The following MARCHF1 variants were observed in gnomAD, a reference collection of about 807,000 sequenced individuals.
MARCHF1 encodes membrane associated ring-CH-type finger 1.
In MARCHF1, 40 loss-of-function variants were observed where a neutral mutation model predicts 54.2. The ratio of observed to expected loss-of-function variants is 0.74; its 90% CI spans 0.57 to 0.96. MARCHF1 has a LOEUF of 0.96. Ranked by LOEUF, MARCHF1 falls within the 40% of genes least tolerant of loss-of-function variation. MARCHF1 has a pLI of 0.00. For synonymous variants in MARCHF1, 236 were observed against 236.3 expected (o/e 1.00, Z 0.01); for missense variants, 586 against 656.5 (o/e 0.89, Z 1.17).
chr4:164,159,498 T>C (rs1162441977), intron 1 of MARCHF1, among the ~76,000 whole-genome samples: 1 of 152,168 alleles, frequency 6.6e-6, no homozygotes, highest in East Asian at 1.9e-4. Context: ...AAAAAATGAA[T>C]GAATTCACTA....
chr4:163,796,600 A>T (rs1372325136), intron 4 of MARCHF1, among the ~76,000 whole-genome samples: 1 of 152,178 alleles, frequency 6.6e-6, no homozygotes, highest in East Asian at 1.9e-4. Context: ...TTATTTTTTC[A>T]TACAGTCTGA....
At chr4:163,937,964 CAG>C (rs2110740285) in intron 3 of MARCHF1, among the ~76,000 whole-genome samples, 1 of 152,228 alleles carries the variant, frequency 6.6e-6, no homozygotes, top group South Asian at 2.1e-4. Context: ...GGGCACATAA[CAG>C]AACATATTGG....
chr4:163,866,074 T>G (rs946993267), intron 3 of MARCHF1, among the ~76,000 whole-genome samples: 5 of 151,718 alleles, frequency 3.3e-5, no homozygotes, highest in African/African-American at 7.2e-5. Flanking sequence ...TTGACTTTGG[T>G]CTCTAGGGAA....
intron 3 of MARCHF1, among the ~76,000 whole-genome samples, chr4:163,854,474 C>T (rs1443466467): frequency 6.6e-6 from 1 of 152,082 alleles, no homozygotes; most frequent in Non-Finnish European, 1.5e-5. Flanking sequence ...CAGAGATCAG[C>T]TTATAACAGT....
chr4:163,982,197 C>T (rs1560847341), intron 3 of MARCHF1, among the ~76,000 whole-genome samples: 1 of 152,182 alleles, frequency 6.6e-6, no homozygotes, highest in East Asian at 1.9e-4. Context: ...TCACTCTAAG[C>T]ACATGGGACT....
At chr4:164,264,531 A>C (rs1733554143) in intron 1 of MARCHF1, among the ~76,000 whole-genome samples, 1 of 152,194 alleles carries the variant, frequency 6.6e-6, no homozygotes, top group African/African-American at 2.4e-5. Flanking sequence ...ACCTGGTAAT[A>C]TGTAATATGA....
intron 3 of MARCHF1, among the ~76,000 whole-genome samples, chr4:163,903,778 A>T (rs540021747): frequency 1.2e-3 from 179 of 151,754 alleles, no homozygotes; most frequent in African/African-American, 4.1e-3. Context: ...ACGCCAGCTA[A>T]TTTTTTTGTA....
At chr4:163,665,864 A>T (rs1286322228) in intron 5 of MARCHF1, among the ~76,000 whole-genome samples, 1 of 152,076 alleles carries the variant, frequency 6.6e-6, no homozygotes, top group East Asian at 1.9e-4. Flanking sequence ...TTACTCCTCC[A>T]TTGGGCATAC....
chr4:163,641,829 G>A (rs1742564297), intron 5 of MARCHF1, among the ~76,000 whole-genome samples: 1 of 152,102 alleles, frequency 6.6e-6, no homozygotes, highest in Non-Finnish European at 1.5e-5. Flanking sequence ...GAAGAAAGTT[G>A]GCTTATCTGC....
At chr4:163,834,625 C>G (rs1011994932) in intron 4 of MARCHF1, among the ~76,000 whole-genome samples, 3 of 135,606 alleles carry the variant, frequency 2.2e-5, no homozygotes, top group Non-Finnish European at 4.6e-5. Flanking sequence ...ACAACAGTCC[C>G]CAGAGTGTGA....
chr4:164,309,252 AC>A (rs1415437238), intron 1 of MARCHF1, among the ~76,000 whole-genome samples: 6 of 121,672 alleles, frequency 4.9e-5, no homozygotes, highest in Admixed American at 1.7e-4. Flanking sequence ...TTAATTTCTA[AC>A]CTGTGTGTGT....
At chr4:164,337,277 C>T (rs1729767074) in intron 1 of MARCHF1, among the ~76,000 whole-genome samples, 1 of 152,104 alleles carries the variant, frequency 6.6e-6, no homozygotes, top group South Asian at 2.1e-4. Context: ...GAAGTTCCAC[C>T]AGACTGTTGG....
intron 1 of MARCHF1, among the ~76,000 whole-genome samples, chr4:164,190,878 G>A (rs899490885): frequency 6.6e-6 from 1 of 152,038 alleles, no homozygotes; most frequent in African/African-American, 2.4e-5. Context: ...CTAGCCACCT[G>A]GGCATGTCTC....
chr4:163,973,521 TC>T (rs1281988128), intron 3 of MARCHF1, among the ~76,000 whole-genome samples: 1 of 152,154 alleles, frequency 6.6e-6, no homozygotes, highest in Non-Finnish European at 1.5e-5. Context: ...TTTTAACTCT[TC>T]CCATTGGCCA....
rs1579705118 is a variant in MARCHF1 at position 164,304,746 on chromosome 4, A to G, written c.-323+79124T>C. Among the ~76,000 whole-genome samples the G allele has an allele frequency of 2.0e-5, 3 of 152,254 alleles. No individual in the cohort carries two copies. The South Asian group carries it at 6.2e-4, about 32-fold the overall frequency. ...TTAAATATCTACATGAAAATTTTGC[A>G]TTACTGATGTATCCATTGTGTTCAC... is the stretch of plus-strand genomic sequence containing the variant. On this transcript the variant is annotated intron_variant, in intron 1 of 9. Transcript: ENST00000514618.
At chr4:164,022,228 C>T (rs1342183485) in intron 2 of MARCHF1, among the ~76,000 whole-genome samples, 3 of 152,194 alleles carry the variant, frequency 2.0e-5, no homozygotes, top group African/African-American at 4.8e-5. Flanking sequence ...ACATAAGCTA[C>T]TAGCCAAGTG....
intron 1 of MARCHF1, chr4:164,329,999 G>T: frequency 6.6e-6 from 1 of 152,194 alleles, no homozygotes; most frequent in Non-Finnish European, 1.5e-5. Context: ...CAACCAATCT[G>T]CCAGCTACAA....
At chr4:163,549,205 T>C (rs1739015122) in intron 8 of MARCHF1, among the ~76,000 whole-genome samples, 1 of 152,222 alleles carries the variant, frequency 6.6e-6, no homozygotes, top group South Asian at 2.1e-4. Flanking sequence ...TGAGCTCCGC[T>C]TTGGAGATGA....
chr4:164,092,211 C>T (rs1286826994), intron 2 of MARCHF1, among the ~76,000 whole-genome samples: 2 of 152,116 alleles, frequency 1.3e-5, no homozygotes, highest in African/African-American at 4.8e-5. Context: ...CCTTAAGTCC[C>T]TTCCATCATG....
Sources: gnomAD v4.1 joint callset for allele counts (sites outside exome capture counted in the v4.1 genomes callset) on GRCh38, gnomAD v4.1.1 for gene constraint, MANE v1.5 for transcripts, NCBI Gene and HGNC (gene_info 2026-07-23, HGNC 2026-07-21) for gene names.